The following SLC24A3 variants were observed in gnomAD, a reference collection of about 807,000 sequenced individuals.
SLC24A3 encodes the protein solute carrier family 24 member 3.
In SLC24A3, 28 loss-of-function variants were observed where a neutral mutation model predicts 75.8. The observed-to-expected ratio is 0.37, with a 90% CI of 0.27 to 0.51. The LOEUF is 0.51. Among genes scored for constraint, SLC24A3 ranks in the 20% least tolerant of loss-of-function variants. The probability of loss-of-function intolerance (pLI) is 0.94; values close to 1 mark genes in which losing one functional copy is unlikely to be tolerated. For missense variants in SLC24A3, 663 were observed against 847.8 expected, an observed-to-expected ratio of 0.78 and a Z score of 2.71; for synonymous variants, 372 against 334.1, an observed-to-expected ratio of 1.11 and a Z score of -1.24.
At chr20:19,546,438 T>A (rs1357057171) in intron 3 of SLC24A3, among the ~76,000 whole-genome samples, 1 of 152,040 alleles carries the variant, frequency 6.6e-6, no homozygotes, top group Non-Finnish European at 1.5e-5. Context: ...ACAAACCAAA[T>A]CTCATCAATG....
intron 2 of SLC24A3, among the ~76,000 whole-genome samples, chr20:19,419,938 A>T (rs1471069238): frequency 3.3e-4 from 38 of 114,510 alleles, no homozygotes; most frequent in Non-Finnish European, 2.5e-4. Context: ...CTAACGTGTC[A>T]TCTAGCATTA....
At chr20:19,386,478 T>A (rs1053076995) in intron 2 of SLC24A3, among the ~76,000 whole-genome samples, 1 of 152,214 alleles carries the variant, frequency 6.6e-6, no homozygotes, top group Non-Finnish European at 1.5e-5. Context: ...AGAGTGGGCA[T>A]CCTTGCCTTG....
intron 3 of SLC24A3, among the ~76,000 whole-genome samples, chr20:19,553,214 T>C (rs568831378): frequency 6.6e-6 from 1 of 152,178 alleles, no homozygotes; most frequent in South Asian, 2.1e-4. Context: ...TGCACACCTC[T>C]GTGTGCACAT....
chr20:19,406,537 G>A (rs972452404), intron 2 of SLC24A3, among the ~76,000 whole-genome samples: 9 of 152,178 alleles, frequency 5.9e-5, no homozygotes, highest in Non-Finnish European at 1.2e-4. Context: ...AACAGGATGT[G>A]ATTTCTACCT....
intron 1 of SLC24A3, among the ~76,000 whole-genome samples, chr20:19,270,433 A>G (rs537066676): frequency 6.6e-6 from 1 of 152,340 alleles, no homozygotes; most frequent in South Asian, 2.1e-4. Context: ...AGCAGCTTAA[A>G]AAACAGCAGT....
intron 2 of SLC24A3, among the ~76,000 whole-genome samples, chr20:19,405,215 A>ACTCCT (rs932798700): frequency 2.6e-5 from 4 of 151,788 alleles, no homozygotes. Context: ...GCCCGGGCCC[A>ACTCCT]CTCCTAGCAT....
At chr20:19,537,688 T>G (rs2030423244) in intron 3 of SLC24A3, among the ~76,000 whole-genome samples, 1 of 152,140 alleles carries the variant, frequency 6.6e-6, no homozygotes, top group African/African-American at 2.4e-5. Flanking sequence ...CATGGAATAC[T>G]ATGCAGCCAT....
At chr20:19,493,631 A>G (rs1988237810) in intron 2 of SLC24A3, among the ~76,000 whole-genome samples, 2 of 152,200 alleles carry the variant, frequency 1.3e-5, no homozygotes, top group South Asian at 2.1e-4. Context: ...GGGGGTGGGT[A>G]AGAGGAGAGA....
intron 1 of SLC24A3, among the ~76,000 whole-genome samples, chr20:19,232,187 G>A (rs1982040855): frequency 6.6e-6 from 1 of 152,158 alleles, no homozygotes; most frequent in South Asian, 2.1e-4. Context: ...TATTTTCAGT[G>A]TTCAGTGTTT....
intron 2 of SLC24A3, among the ~76,000 whole-genome samples, chr20:19,362,194 T>C (rs984821897): frequency 2.6e-5 from 4 of 152,248 alleles, no homozygotes; most frequent in Admixed American, 6.5e-5. Context: ...TCTGGCAACA[T>C]AGACGCAGGA....
intron 2 of SLC24A3, among the ~76,000 whole-genome samples, chr20:19,485,774 G>T (rs546279000): frequency 2.0e-5 from 3 of 152,078 alleles, no homozygotes; most frequent in Admixed American, 1.3e-4. Context: ...AAACACACCT[G>T]CTCCAAGGAT....
Position 19,515,540 on chromosome 20 carries a change from T to C in SLC24A3, c.324T>C (p.Gly108=). The C allele has an allele frequency of 1.9e-6, 3 of 1,614,166 alleles. No individual in the cohort carries two copies. Among genetic ancestry groups the C allele is most frequent in the Non-Finnish European group, 2.5e-6 (3 of 1,180,018 alleles). ...DIFTNEDRRQ[G]AVVLHVLCAI... is the part of the protein sequence containing the mutation. ...TCACAAACGAGGATAGAAGACAAGG[T>C]GCGGTGGTCCTCCATGTGCTCTGTG... The change falls in exon 3 of 17, where the codon GGT becomes GGC. Residue 108 remains glycine (G), a synonymous_variant. Transcript: ENST00000328041.
intron 3 of SLC24A3, among the ~76,000 whole-genome samples, chr20:19,552,779 A>G (rs1600277625): frequency 6.6e-6 from 1 of 152,120 alleles, no homozygotes; most frequent in Admixed American, 6.6e-5. Context: ...GTAATCTCAC[A>G]GACAAAAAGT....
In SLC24A3 at chr20:19,400,919, G is replaced by A. The variant is rs192715611; in HGVS notation, c.272-114569G>A. Among the ~76,000 whole-genome samples, 32 of 152,220 alleles carry A rather than the reference G, an allele frequency of 2.1e-4. No individual in the cohort carries two copies. In the South Asian group the frequency reaches 2.3e-3, roughly 11 times the overall value. On this transcript the variant is annotated intron_variant, in intron 2 of 16. Coordinates refer to ENST00000328041, the MANE Select transcript of SLC24A3 (RefSeq NM_020689.4). ...ATTTTTGGTTGTTTAATGTAGGAGG[G>A]TAAATCCATTCCATTACTCCATCTT...
intron 2 of SLC24A3, among the ~76,000 whole-genome samples, chr20:19,370,840 C>T (rs1190437134): frequency 6.6e-6 from 1 of 152,006 alleles, no homozygotes; most frequent in African/African-American, 2.4e-5. Context: ...TCTGGTTGCT[C>T]AAGGAAAGAA....
At chr20:19,421,905 T>A (rs6136722) in intron 2 of SLC24A3, among the ~76,000 whole-genome samples, 1 of 152,046 alleles carries the variant, frequency 6.6e-6, no homozygotes, top group Non-Finnish European at 1.5e-5. Context: ...GCCAGGGAAC[T>A]CTTCGCACCT....
At chr20:19,451,938 G>A (rs1414537413) in intron 2 of SLC24A3, among the ~76,000 whole-genome samples, 2 of 152,136 alleles carry the variant, frequency 1.3e-5, no homozygotes, top group African/African-American at 4.8e-5. Flanking sequence ...TGTTTACCAA[G>A]AGCCTCCCTC....
At chr20:19,573,989 G>A (rs1386629007) in intron 3 of SLC24A3, among the ~76,000 whole-genome samples, 3 of 152,182 alleles carry the variant, frequency 2.0e-5, no homozygotes, top group Non-Finnish European at 4.4e-5. Flanking sequence ...CTTCCAACTG[G>A]ACCTCAGGCC....
chr20:19,385,643 CT>C (rs112188859), intron 2 of SLC24A3, among the ~76,000 whole-genome samples: 1,492 of 141,140 alleles, frequency 0.011, 16 homozygotes, highest in African/African-American at 0.032. Flanking sequence ...TTAAAATTGG[CT>C]TTTTTTTTTT....
Sources: gnomAD v4.1 joint callset for allele counts (sites outside exome capture counted in the v4.1 genomes callset) on GRCh38, gnomAD v4.1.1 for gene constraint, MANE v1.5 for transcripts, NCBI Gene and HGNC (gene_info 2026-07-23, HGNC 2026-07-21) for gene names.